The following SLC26A7 variants were observed in gnomAD, a reference collection of about 807,000 sequenced individuals.
SLC26A7 encodes the protein anion exchange transporter.
SLC26A7 carries 59 observed loss-of-function variants against 82.5 expected under a neutral mutation model. The observed-to-expected ratio is 0.72, with a 90% CI of 0.58 to 0.89. The LOEUF is 0.89. SLC26A7 is among the 40% of genes least tolerant of loss of function. SLC26A7 has a pLI of 0.00. For synonymous variants in SLC26A7, 271 were observed against 274.3 expected (o/e 0.99, Z 0.12); for missense variants, 820 against 793.0 (o/e 1.03, Z -0.41).
intron 2 of SLC26A7, among the ~76,000 whole-genome samples, chr8:91,276,546 T>C (rs1811412340): frequency 2.0e-5 from 3 of 152,178 alleles, no homozygotes; most frequent in Non-Finnish European, 2.9e-5. Context: ...TCAAGCCCCC[T>C]TGTAGCCAAG....
chr8:91,295,513 C>T lies in SLC26A7; in HGVS notation c.305-18C>T, dbSNP rs771071011. On this transcript the variant is annotated intron_variant, in intron 3 of 18. Transcript: ENST00000276609. The stretch of plus-strand genomic sequence containing the variant: ...ATCAAATTACTAATAGAAGATTCCC[C>T]ACACCACTTGGTTTCAGGCACCTTT... The T allele has an allele frequency of 5.6e-6, 9 of 1,603,346 alleles. No individual in the cohort carries two copies. The East Asian group carries it at 1.1e-4, about 20-fold the overall frequency.
chr8:91,320,893 A>G (rs1812772790), intron 5 of SLC26A7, among the ~76,000 whole-genome samples: 1 of 152,208 alleles, frequency 6.6e-6, no homozygotes, highest in Non-Finnish European at 1.5e-5. Context: ...ATATTCTTGG[A>G]ACATAAATTG....
At chr8:91,369,914 C>T in intron 15 of SLC26A7, 81 bp downstream of exon 15, 1 of 1,065,932 alleles carries the variant, frequency 9.4e-7, no homozygotes, top group Non-Finnish European at 1.4e-6. Flanking sequence ...TTCCCCTTCT[C>T]CTCCTCATCT....
intron 5 of SLC26A7, among the ~76,000 whole-genome samples, chr8:91,333,156 T>C (rs1455355657): frequency 6.6e-6 from 1 of 152,156 alleles, no homozygotes; most frequent in Non-Finnish European, 1.5e-5. Context: ...ACATTCTAAG[T>C]TGTTGAACAA....
At chr8:91,369,405 G>T (rs1380046537) in intron 14 of SLC26A7, among the ~76,000 whole-genome samples, 1 of 150,774 alleles carries the variant, frequency 6.6e-6, no homozygotes, top group African/African-American at 2.4e-5. Context: ...TCATGTAGTG[G>T]TAGTATATAT....
chr8:91,215,089 C>T (rs541643456), intron 1 of SLC26A7, among the ~76,000 whole-genome samples: 6 of 151,982 alleles, frequency 3.9e-5, no homozygotes, highest in African/African-American at 1.2e-4. Flanking sequence ...GATTACATGG[C>T]GCCCACCTAG....
intron 5 of SLC26A7, 51 bp downstream of exon 5, chr8:91,318,431 C>T: frequency 6.9e-7 from 1 of 1,442,070 alleles, no homozygotes; most frequent in Non-Finnish European, 9.3e-7. Flanking sequence ...GCAGGTTTCA[C>T]AAAGTAGAAT....
intron 8 of SLC26A7, 39 bp from the exon 9 acceptor site, chr8:91,343,314 G>A (rs1179031517): frequency 1.5e-6 from 2 of 1,295,542 alleles, no homozygotes; most frequent in Admixed American, 3.9e-5. Context: ...AAAGTCTATT[G>A]TGATTAAGAT....
In SLC26A7 at chr8:91,299,521, C is replaced by T. The variant is rs962046338; in HGVS notation, c.477+3818C>T. 4.0e-5 allele frequency among the ~76,000 whole-genome samples: 6 copies of T among 151,738 alleles called. No individual in the cohort carries two copies. In the East Asian group the frequency reaches 1.2e-3, roughly 29 times the overall value. On this transcript the variant is annotated intron_variant, in intron 4 of 18. Transcript: ENST00000276609. Reference sequence around the variant, plus strand: ...ATTTTATTTTTTTCTAAGTTGCTGCCTACTTGTGCCAACAACATTTATTAA... The same window carrying T: ...ATTTTATTTTTTTCTAAGTTGCTGCTTACTTGTGCCAACAACATTTATTAA...
chr8:91,246,535 A>G (rs138465317), upstream of SLC26A7, among the ~76,000 whole-genome samples: 5 of 152,248 alleles, frequency 3.3e-5, no homozygotes, highest in East Asian at 9.7e-4. Context: ...GTAAAATACC[A>G]TGTAACTAGG....
At chr8:91,346,446 A>G (rs1359045368) in intron 9 of SLC26A7, among the ~76,000 whole-genome samples, 1 of 152,118 alleles carries the variant, frequency 6.6e-6, no homozygotes, top group Non-Finnish European at 1.5e-5. Context: ...TCACAAAACA[A>G]CCCCTTAAAT....
intron 2 of SLC26A7, among the ~76,000 whole-genome samples, chr8:91,252,160 G>A (rs866811981): frequency 6.6e-5 from 10 of 152,106 alleles, no homozygotes; most frequent in Middle Eastern, 3.4e-3. Flanking sequence ...TTTTGTAGCA[G>A]CTTTTCAGTT....
chr8:91,360,592 G>A (rs1055366299), intron 11 of SLC26A7, among the ~76,000 whole-genome samples: 12 of 152,270 alleles, frequency 7.9e-5, no homozygotes, highest in African/African-American at 2.2e-4. Flanking sequence ...AATAGATGAC[G>A]TTGTGGGAGA....
At chr8:91,242,705 G>A (rs2130687205) in intron 2 of SLC26A7, among the ~76,000 whole-genome samples, 1 of 152,240 alleles carries the variant, frequency 6.6e-6, no homozygotes, top group East Asian at 1.9e-4. Flanking sequence ...TCACCAGGGA[G>A]CTGAATCAGG....
intron 4 of SLC26A7, among the ~76,000 whole-genome samples, chr8:91,297,319 A>G (rs774071303): frequency 2.6e-5 from 4 of 151,868 alleles, no homozygotes; most frequent in Non-Finnish European, 4.4e-5. Flanking sequence ...AAAGTTTGAA[A>G]CAATCATCAG....
intron 2 of SLC26A7, among the ~76,000 whole-genome samples, chr8:91,227,217 A>G (rs1314503005): frequency 6.6e-6 from 1 of 152,208 alleles, no homozygotes; most frequent in East Asian, 1.9e-4. Context: ...ATTCTGATGA[A>G]GTTAAAGCAA....
At chr8:91,371,509 T>A (rs1473441544) in intron 15 of SLC26A7, among the ~76,000 whole-genome samples, 1 of 151,890 alleles carries the variant, frequency 6.6e-6, no homozygotes, top group Non-Finnish European at 1.5e-5. Context: ...TTTCTATTTC[T>A]GAATTAATTC....
At position 91,280,679 on chromosome 8, in the gene SLC26A7, C is replaced by CT. The variant is rs1188630561; in HGVS notation, c.194-8448dup. Among the ~76,000 whole-genome samples, 44 of 151,916 alleles carry CT rather than the reference C, an allele frequency of 2.9e-4. No homozygotes were observed. The East Asian group carries it at 4.1e-3, about 14-fold the overall frequency. On this transcript the variant is annotated intron_variant, in intron 2 of 18. Transcript: ENST00000276609. ...GCTTCCTTTGTGCTCTTTTCCCCTA[C>CT]TTTTTTTTTCTCTGCATCTGGCAAT...
chr8:91,276,957 T>A (rs1257855987), intron 2 of SLC26A7, among the ~76,000 whole-genome samples: 1 of 152,196 alleles, frequency 6.6e-6, no homozygotes, highest in East Asian at 1.9e-4. Context: ...ATATTTCATG[T>A]ATATTTGTGT....
Sources: gnomAD v4.1 joint callset for allele counts (sites outside exome capture counted in the v4.1 genomes callset) on GRCh38, gnomAD v4.1.1 for gene constraint, MANE v1.5 for transcripts, NCBI Gene and HGNC (gene_info 2026-07-23, HGNC 2026-07-21) for gene names.